PDE4B: variants seen among roughly 807,000 people sequenced by gnomAD.
The protein encoded by PDE4B is 3',5'-cyclic-AMP phosphodiesterase 4B.
Under a neutral mutation model 82.2 loss-of-function variants are expected in PDE4B, and 20 were observed. That is an observed-to-expected ratio of 0.24 (90% CI 0.17 to 0.35). The LOEUF is 0.35. Among genes scored for constraint, PDE4B ranks in the 10% least tolerant of loss-of-function variants. The probability of loss-of-function intolerance (pLI) is 1.00; values close to 1 mark genes in which losing one functional copy is unlikely to be tolerated. For missense variants in PDE4B, 655 were observed against 907.2 expected (o/e 0.72, Z 3.57); for synonymous variants, 320 against 318.9 (o/e 1.00, Z -0.04).
intron 3 of PDE4B, among the ~76,000 whole-genome samples, chr1:65,942,685 C>T (rs1648508508): frequency 6.6e-6 from 1 of 151,948 alleles, no homozygotes; most frequent in African/African-American, 2.4e-5. Context: ...TCCTCTTCAA[C>T]ACTTATCTTT....
chr1:66,193,743 T>G (rs1171957875), intron 3 of PDE4B, among the ~76,000 whole-genome samples: 2 of 152,136 alleles, frequency 1.3e-5, no homozygotes, highest in Non-Finnish European at 2.9e-5. Context: ...AAACATAAAT[T>G]AAGGTTATTA....
chr1:66,071,308 T>G (rs1033624423), intron 3 of PDE4B, among the ~76,000 whole-genome samples: 2 of 152,118 alleles, frequency 1.3e-5, no homozygotes, highest in African/African-American at 4.8e-5. Context: ...AAAGACAATA[T>G]ATCTGTAGTG....
intron 3 of PDE4B, among the ~76,000 whole-genome samples, chr1:66,068,010 G>A (rs948310408): frequency 2.6e-5 from 4 of 151,134 alleles, no homozygotes; most frequent in African/African-American, 7.3e-5. Context: ...GAGTTAATGG[G>A]TGCAGCACAC....
At chr1:66,047,138 C>A (rs1654760721) in intron 3 of PDE4B, among the ~76,000 whole-genome samples, 1 of 151,718 alleles carries the variant, frequency 6.6e-6, no homozygotes, top group East Asian at 1.9e-4. Flanking sequence ...GTGAAACATG[C>A]CATCTTTTAA....
At chr1:66,264,679 T>C (rs970047632) in intron 6 of PDE4B, among the ~76,000 whole-genome samples, 1 of 152,198 alleles carries the variant, frequency 6.6e-6, no homozygotes, top group Non-Finnish European at 1.5e-5. Flanking sequence ...CTACTAGGTA[T>C]GGGTACCTAC....
intron 1 of PDE4B, among the ~76,000 whole-genome samples, chr1:65,806,881 G>A (rs1181617239): frequency 1.3e-5 from 2 of 152,206 alleles, no homozygotes; most frequent in African/African-American, 2.4e-5. Flanking sequence ...TTTCAGGGCT[G>A]TAATTGGAAA....
intron 3 of PDE4B, among the ~76,000 whole-genome samples, chr1:65,944,633 G>A (rs1257101735): frequency 1.3e-5 from 2 of 151,976 alleles, no homozygotes; most frequent in Non-Finnish European, 2.9e-5. Flanking sequence ...GAGGGGGAAT[G>A]CAAAGAGCAA....
intron 3 of PDE4B, among the ~76,000 whole-genome samples, chr1:66,107,083 A>G (rs1203400797): frequency 6.8e-6 from 1 of 147,240 alleles, no homozygotes; most frequent in Non-Finnish European, 1.5e-5. Context: ...TTAGTGCTAT[A>G]AATTTTCCTC....
intron 7 of PDE4B, among the ~76,000 whole-genome samples, chr1:66,323,942 T>C (rs931525217): frequency 6.6e-6 from 1 of 152,214 alleles, no homozygotes; most frequent in African/African-American, 2.4e-5. Flanking sequence ...CTTGTGTCAT[T>C]GGTCTTCAAT....
chr1:66,328,798 G>C (rs757194375), intron 7 of PDE4B, among the ~76,000 whole-genome samples: 1 of 152,186 alleles, frequency 6.6e-6, no homozygotes, highest in Non-Finnish European at 1.5e-5. Context: ...CATGTGCTTT[G>C]TAGCCTCAGA....
At chr1:65,937,027 T>C (rs1395482732) in intron 3 of PDE4B, among the ~76,000 whole-genome samples, 1 of 151,922 alleles carries the variant, frequency 6.6e-6, no homozygotes, top group Non-Finnish European at 1.5e-5. Context: ...AAGGCAGGAG[T>C]CTTCTTTCAG....
At chr1:66,153,495 T>G (rs182319728) in intron 3 of PDE4B, among the ~76,000 whole-genome samples, 83 of 152,152 alleles carry the variant, frequency 5.5e-4, no homozygotes, top group Admixed American at 2.6e-3. Flanking sequence ...TTTTTTGTTT[T>G]GTTTTGTCTT....
Position 66,372,463 on chromosome 1 carries a change from G to T in PDE4B, c.1996G>T (p.Glu666Ter). ...TCAAAGTCCCTCACCACCACTGGAC[G>T]AGCAGAACAGGGACTGCCAGGGTCT... The part of the protein sequence containing the change: ...IPQSPSPPLD[E>*]QNRDCQGLME... Residue 666 changes from glutamate (E) to a stop codon, truncating the protein, a stop_gained, in exon 17 of 17, where the codon GAG becomes TAG. Transcript: ENST00000341517. LOFTEE classifies it high-confidence loss of function. The T allele has an allele frequency of 6.2e-7, 1 of 1,614,092 alleles. No individual in the cohort carries two copies. The highest frequency in any genetic ancestry group is 8.5e-7 in the Non-Finnish European group (1 of 1,179,976).
At chr1:65,885,151 C>T (rs1209045666) in intron 1 of PDE4B, among the ~76,000 whole-genome samples, 1 of 152,112 alleles carries the variant, frequency 6.6e-6, no homozygotes, top group Non-Finnish European at 1.5e-5. Context: ...CAAATCAAAA[C>T]CACAATGAAA....
At chr1:66,245,898 A>G (rs745420107) in intron 3 of PDE4B, among the ~76,000 whole-genome samples, 1 of 152,070 alleles carries the variant, frequency 6.6e-6, no homozygotes, top group Non-Finnish European at 1.5e-5. Flanking sequence ...TCTTCTCCTC[A>G]TGTTTCAAGG....
intron 3 of PDE4B, among the ~76,000 whole-genome samples, chr1:66,113,888 G>A (rs1208134658): frequency 6.6e-6 from 1 of 152,136 alleles, no homozygotes; most frequent in African/African-American, 2.4e-5. Flanking sequence ...CCTTAAGCTA[G>A]GCTCTGTGCT....
chr1:66,181,736 C>G (rs756429752), intron 3 of PDE4B, among the ~76,000 whole-genome samples: 3 of 152,090 alleles, frequency 2.0e-5, no homozygotes, highest in Non-Finnish European at 4.4e-5. Context: ...AACAAATACT[C>G]CAGAATGAAA....
At chr1:65,826,705 A>G (rs12024848) in intron 1 of PDE4B, among the ~76,000 whole-genome samples, 11,533 of 152,134 alleles carry the variant, frequency 0.076, 745 homozygotes, top group East Asian at 0.36. Context: ...AAAAAACAGG[A>G]AAAATAAAAA....
intron 3 of PDE4B, among the ~76,000 whole-genome samples, chr1:66,127,449 A>G (rs2101098129): frequency 6.6e-6 from 1 of 152,356 alleles, no homozygotes; most frequent in East Asian, 1.9e-4. Flanking sequence ...GTGTTAAAGG[A>G]AATTTGAAAC....
Sources: gnomAD v4.1 joint callset for allele counts (sites outside exome capture counted in the v4.1 genomes callset) on GRCh38, gnomAD v4.1.1 for gene constraint, MANE v1.5 for transcripts, NCBI Gene and HGNC (gene_info 2026-07-23, HGNC 2026-07-21) for gene names.